GLUD1: variants seen among roughly 807,000 people sequenced by gnomAD.
GLUD1 encodes the protein glutamate dehydrogenase 1.
In GLUD1, 22 loss-of-function variants were observed where a neutral mutation model predicts 56.0. That is an observed-to-expected ratio of 0.39 (90% CI 0.28 to 0.56). The LOEUF is 0.56. Ranked by LOEUF, GLUD1 falls within the 20% of genes least tolerant of loss-of-function variation. The pLI, the probability that GLUD1 is intolerant of heterozygous loss-of-function variation, is 0.58. For synonymous variants in GLUD1, 223 were observed against 269.9 expected (o/e 0.83, Z 1.70); for missense variants, 451 against 732.0 (o/e 0.62, Z 4.43).
chr10:87,071,307 C>T (rs1846232225), intron 4 of GLUD1, among the ~76,000 whole-genome samples: 1 of 151,886 alleles, frequency 6.6e-6, no homozygotes, highest in African/African-American at 2.4e-5. Context: ...ATTCTCCTGC[C>T]TCAGCCTCCT....
chr10:87,054,065 T>G (rs1845705336), intron 11 of GLUD1, among the ~76,000 whole-genome samples: 1 of 152,168 alleles, frequency 6.6e-6, no homozygotes, highest in Non-Finnish European at 1.5e-5. Flanking sequence ...GAATGCTTTC[T>G]AAAAAATTAA....
chr10:87,087,096 C>G (rs956717284), intron 1 of GLUD1, among the ~76,000 whole-genome samples: 1 of 152,164 alleles, frequency 6.6e-6, no homozygotes, highest in Non-Finnish European at 1.5e-5. Context: ...AACTTGGCTA[C>G]CAACCAGGGG....
chr10:87,053,533 G>A lies in GLUD1; in HGVS notation c.1495-129C>T, dbSNP rs1053868329. ...ATTTTTTGTCTTTTAGCTAAGATAT[G>A]TCATTTCTGCACAGTATCAAAGATA... is the stretch of plus-strand genomic sequence containing the variant. On this transcript the variant is annotated intron_variant, in intron 11 of 12. Coordinates refer to ENST00000277865, the MANE Select transcript of GLUD1 (RefSeq NM_005271.5). The A allele has an allele frequency of 4.5e-5, 32 of 714,202 alleles. No homozygotes were observed. In the African/African-American group the frequency reaches 5.6e-4, roughly 12 times the overall value. 44.2% of individuals were successfully genotyped at this position (714,202 alleles called of 1,614,324 possible).
At chr10:87,063,677 T>C (rs1159306363) in intron 5 of GLUD1, among the ~76,000 whole-genome samples, 1 of 152,230 alleles carries the variant, frequency 6.6e-6, no homozygotes. Context: ...TTAATATAAC[T>C]TGATACTTAA....
At chr10:87,053,123 C>T (rs908938455) in intron 12 of GLUD1, among the ~76,000 whole-genome samples, 20 of 152,168 alleles carry the variant, frequency 1.3e-4, no homozygotes, top group Non-Finnish European at 2.8e-4. Flanking sequence ...CTAAATCAGC[C>T]TTATTATTTC....
chr10:87,058,257 G>A (rs971128112), intron 10 of GLUD1, among the ~76,000 whole-genome samples: 1 of 152,186 alleles, frequency 6.6e-6, no homozygotes, highest in African/African-American at 2.4e-5. Context: ...CTATATAAAT[G>A]TGAATTTAGG....
rs1589346854 is a variant in GLUD1 at position 87,050,454 on chromosome 10, C to T, written c.*1297G>A. 1 of 151,978 alleles carries T rather than the reference C, an allele frequency of 6.6e-6. No homozygotes were observed. The highest frequency in any genetic ancestry group is 1.9e-4 in the East Asian group (1 of 5,176). The allele number at this position is 151,978 out of a possible 1,614,324, so 9.4% of individuals were successfully genotyped here. On this transcript the variant is annotated 3_prime_UTR_variant, in exon 13 of 13. Transcript: ENST00000277865. ...TTATAACTTATGAAAAGAGAAACTA[C>T]CACATGTAAAAACACAGAAAAGAAA...
intron 1 of GLUD1, among the ~76,000 whole-genome samples, chr10:87,077,309 C>T (rs1457528488): frequency 1.3e-5 from 2 of 152,036 alleles, no homozygotes; most frequent in African/African-American, 2.4e-5. Flanking sequence ...CTATGCCTGG[C>T]AAGAATTCTG....
At chr10:87,075,114 T>C (rs1438647152) in intron 3 of GLUD1, among the ~76,000 whole-genome samples, 3 of 152,150 alleles carry the variant, frequency 2.0e-5, no homozygotes, top group African/African-American at 7.2e-5. Context: ...AGTAATACTT[T>C]TTTCTTTTTG....
In GLUD1 at chr10:87,060,216, G is replaced by A; in HGVS notation, c.1223C>T (p.Pro408Leu). 6.2e-7 allele frequency: 1 copy of A among 1,611,534 alleles called. No homozygotes were observed. The highest frequency in any genetic ancestry group is 8.5e-7 in the Non-Finnish European group (1 of 1,177,702). ...AKIIAEGANG[P>L]TTPEADKIFL... ...GATCTTGTCAGCTTCTGGAGTTGTT[G>A]GCCCATTGGCACCTTCAGCAATGAT... The change falls in exon 9 of 13, where the codon CCA (proline) becomes CTA (leucine). Residue 408 changes from proline (P) to leucine (L), a missense_variant. Physicochemically the swap from Pro to Leu is moderately conservative, Grantham distance 98. Transcript: ENST00000277865.
rs59540767 is a variant in GLUD1, at chr10:87,065,272, C to CAAA, written c.742-2440_742-2438dup. The stretch of plus-strand genomic sequence containing the variant: ...CGGGTGACAGAGTGAGACTCCGTCT[C>CAAA]AAAAAAAAAAAAAAAAAAAAAAAAA... On this transcript the variant is annotated intron_variant, in intron 5 of 12. Transcript: ENST00000277865. Among the ~76,000 whole-genome samples, 85 of 60,806 alleles carry CAAA rather than the reference C, an allele frequency of 1.4e-3. 1 individual carries two copies. Among genetic ancestry groups the CAAA allele is most frequent in the East Asian group, 4.9e-3 (10 of 2,056 alleles). The allele number at this position is 60,806 out of a possible 152,430, so 39.9% of individuals were successfully genotyped here.
chr10:87,071,770 CTGATACAA>C lies in GLUD1; in HGVS notation c.646+2773_646+2780del, dbSNP rs1222098547. On this transcript the variant is annotated intron_variant, in intron 4 of 12. Coordinates refer to ENST00000277865, the MANE Select transcript of GLUD1 (RefSeq NM_005271.5). The stretch of plus-strand genomic sequence containing the variant: ...CTCATTCCATGAGGCTAGAATTGTC[CTGATACAA>C]AGACTAGACAAAGACATCATAAGAA... Among the ~76,000 whole-genome samples the C allele has an allele frequency of 3.9e-5, 6 of 152,222 alleles. No individual in the cohort carries two copies. The East Asian group carries it at 1.2e-3, about 29-fold the overall frequency.
intron 4 of GLUD1, among the ~76,000 whole-genome samples, chr10:87,071,836 A>T (rs185169252): frequency 2.6e-5 from 4 of 152,378 alleles, no homozygotes; most frequent in Non-Finnish European, 5.9e-5. Flanking sequence ...CAATAGCATT[A>T]AAAGGAGTAA....
At chr10:87,072,918 G>A (rs1240505016) in intron 4 of GLUD1, among the ~76,000 whole-genome samples, 3 of 152,210 alleles carry the variant, frequency 2.0e-5, no homozygotes, top group Non-Finnish European at 1.5e-5. Flanking sequence ...GAGCGAGATA[G>A]TTAACTCATA....
At chr10:87,061,148 T>G in intron 6 of GLUD1, 96 bp from the exon 7 acceptor site, 2 of 1,146,904 alleles carry the variant, frequency 1.7e-6, no homozygotes, top group Non-Finnish European at 1.3e-6. Context: ...CTCTGTTTAT[T>G]TAGAAGCAAT....
intron 1 of GLUD1, among the ~76,000 whole-genome samples, chr10:87,081,691 G>A (rs1841258769): frequency 6.6e-6 from 1 of 152,046 alleles, no homozygotes; most frequent in Admixed American, 6.5e-5. Flanking sequence ...GTCCACTCAG[G>A]GTTAAATGGA....
chr10:87,070,206 A>C (rs1279110199), intron 4 of GLUD1, among the ~76,000 whole-genome samples: 1 of 152,234 alleles, frequency 6.6e-6, no homozygotes, highest in Non-Finnish European at 1.5e-5. Flanking sequence ...TAATCCCAGC[A>C]CTTTGGGAGG....
chr10:87,072,377 A>T (rs1846262790), intron 4 of GLUD1, among the ~76,000 whole-genome samples: 1 of 152,202 alleles, frequency 6.6e-6, no homozygotes, highest in Non-Finnish European at 1.5e-5. Context: ...TTACAAGCTG[A>T]TGCTAAACAC....
At chr10:87,053,594 G>C (rs1455247752) in intron 11 of GLUD1, among the ~76,000 whole-genome samples, 190 bp from the exon 12 acceptor site, 1 of 152,082 alleles carries the variant, frequency 6.6e-6, no homozygotes, top group African/African-American at 2.4e-5. Context: ...GTTGCTTGTT[G>C]ATCACAATTT....
Sources: allele counts gnomAD v4.1 joint callset (sites outside exome capture counted in the v4.1 genomes callset), GRCh38; gene constraint gnomAD v4.1.1; transcripts MANE v1.5; gene names NCBI Gene and HGNC (gene_info 2026-07-23, HGNC 2026-07-21).